The following DGKI variants were observed in gnomAD, a reference collection of about 807,000 sequenced individuals.
The protein encoded by DGKI is diacylglycerol kinase iota.
Under a neutral mutation model 147.5 loss-of-function variants are expected in DGKI, and 55 were observed. The observed-to-expected ratio is 0.37, with a 90% confidence interval of 0.30 to 0.47. The LOEUF (loss-of-function observed/expected upper bound fraction) is 0.47. DGKI is among the 20% of genes least tolerant of loss of function. The pLI, the probability that DGKI is intolerant of heterozygous loss-of-function variation, is 1.00. For missense variants in DGKI, 1,007 were observed against 1,323.8 expected (o/e 0.76, Z 3.71); for synonymous variants, 469 against 477.1 (o/e 0.98, Z 0.22).
At chr7:137,570,913 A>G (rs1049446334) in intron 19 of DGKI, among the ~76,000 whole-genome samples, 4 of 152,198 alleles carry the variant, frequency 2.6e-5, no homozygotes, top group Non-Finnish European at 5.9e-5. Flanking sequence ...TAATTAGCAT[A>G]AAAACTTTTC....
At chr7:137,723,990 G>A (rs963252023) in intron 1 of DGKI, among the ~76,000 whole-genome samples, 22 of 152,092 alleles carry the variant, frequency 1.4e-4, no homozygotes, top group African/African-American at 3.9e-4. Context: ...TTATAGGGGT[G>A]AGCCACTGCA....
intron 12 of DGKI, among the ~76,000 whole-genome samples, chr7:137,589,320 T>TA (rs1332607835): frequency 1.3e-5 from 2 of 152,192 alleles, no homozygotes; most frequent in African/African-American, 4.8e-5. Flanking sequence ...GTCTACCAAT[T>TA]ATGTCTAAAA....
intron 6 of DGKI, among the ~76,000 whole-genome samples, chr7:137,637,429 T>C (rs1821352228): frequency 1.3e-5 from 2 of 152,224 alleles, no homozygotes; most frequent in Admixed American, 6.5e-5. Flanking sequence ...CTAGTAGATA[T>C]CAAAATGGAA....
At chr7:137,746,275 G>A (rs1364175606) in intron 1 of DGKI, among the ~76,000 whole-genome samples, 5 of 152,176 alleles carry the variant, frequency 3.3e-5, no homozygotes, top group Admixed American at 1.3e-4. Context: ...GCTGGACCTA[G>A]AATATCAAGA....
intron 1 of DGKI, among the ~76,000 whole-genome samples, chr7:137,741,060 T>G (rs1795159331): frequency 6.6e-6 from 1 of 152,162 alleles, no homozygotes; most frequent in South Asian, 2.1e-4. Context: ...TTAAATAGGC[T>G]AAGGAGTGCT....
At chr7:137,780,939 A>G (rs915593676) in intron 1 of DGKI, among the ~76,000 whole-genome samples, 15 of 152,182 alleles carry the variant, frequency 9.9e-5, no homozygotes, top group African/African-American at 3.4e-4. Flanking sequence ...GTCAAGAAAG[A>G]GGGACTTTAA....
At chr7:137,415,460 T>C (rs892214276) in intron 28 of DGKI, among the ~76,000 whole-genome samples, 12 of 152,118 alleles carry the variant, frequency 7.9e-5, no homozygotes, top group African/African-American at 2.9e-4. Context: ...CATCTGTAGA[T>C]TTTGGTATCT....
At chr7:137,453,855 G>A (rs1161862660) in intron 27 of DGKI, among the ~76,000 whole-genome samples, 2 of 151,484 alleles carry the variant, frequency 1.3e-5, no homozygotes, top group Non-Finnish European at 2.9e-5. Context: ...TAATTTCCCA[G>A]TCTTTAAGAC....
intron 27 of DGKI, among the ~76,000 whole-genome samples, chr7:137,460,290 G>A (rs968879439): frequency 6.6e-6 from 1 of 152,164 alleles, no homozygotes; most frequent in Non-Finnish European, 1.5e-5. Flanking sequence ...ACACAGAAGG[G>A]CACAGGATGT....
At chr7:137,516,526 C>A (rs1563063258) in intron 21 of DGKI, among the ~76,000 whole-genome samples, 1 of 151,852 alleles carries the variant, frequency 6.6e-6, no homozygotes, top group South Asian at 2.1e-4. Flanking sequence ...GTTTCCATAG[C>A]CCCATCACAG....
intron 21 of DGKI, among the ~76,000 whole-genome samples, chr7:137,496,994 A>G (rs1815989855): frequency 6.6e-6 from 1 of 152,160 alleles, no homozygotes. Flanking sequence ...GCACAGCAAG[A>G]GAAACTATCA....
intron 1 of DGKI, among the ~76,000 whole-genome samples, chr7:137,729,742 A>G (rs1794815567): frequency 6.6e-6 from 1 of 152,070 alleles, no homozygotes; most frequent in Admixed American, 6.5e-5. Flanking sequence ...TTCTTATAAG[A>G]GTGAGGTCTG....
intron 21 of DGKI, among the ~76,000 whole-genome samples, chr7:137,507,499 TC>T (rs1816408617): frequency 6.6e-6 from 1 of 152,146 alleles, no homozygotes; most frequent in African/African-American, 2.4e-5. Context: ...TTAAAAAAAA[TC>T]CTCTTAAATG....
chr7:137,641,274 C>T (rs141084818), intron 6 of DGKI, among the ~76,000 whole-genome samples: 312 of 152,244 alleles, frequency 2.0e-3, no homozygotes, highest in African/African-American at 7.4e-3. Flanking sequence ...GTAAATTGCC[C>T]AGTCTCGGGT....
chr7:137,609,675 C>T, intron 8 of DGKI, 66 bp from the exon 9 acceptor site: 10 of 1,175,408 alleles, frequency 8.5e-6, no homozygotes, highest in South Asian at 7.5e-5. Context: ...CCATGCAGAA[C>T]CAAGTAGAAG....
chr7:137,421,561 C>A (rs540093275), intron 28 of DGKI, among the ~76,000 whole-genome samples: 21 of 152,320 alleles, frequency 1.4e-4, no homozygotes, highest in African/African-American at 4.6e-4. Flanking sequence ...GGATGCACTC[C>A]CTTCAAAAGC....
intron 26 of DGKI, 44 bp downstream of exon 26, chr7:137,465,864 G>A (rs1814633887): frequency 6.3e-7 from 1 of 1,590,114 alleles, no homozygotes; most frequent in Admixed American, 1.8e-5. Flanking sequence ...AGACATGGAT[G>A]TCACCCTAAG....
intron 1 of DGKI, among the ~76,000 whole-genome samples, chr7:137,737,510 A>AT (rs772074622): frequency 7.2e-5 from 10 of 138,140 alleles, no homozygotes; most frequent in Non-Finnish European, 1.3e-4. Context: ...CCTTCGTTTT[A>AT]TTAAAAAAAA....
At chr7:137,523,458 C>T (rs1475745282) in intron 20 of DGKI, among the ~76,000 whole-genome samples, 11 of 152,068 alleles carry the variant, frequency 7.2e-5, no homozygotes, top group Non-Finnish European at 8.8e-5. Flanking sequence ...CTCTCACACA[C>T]ACACAGACAG....
Sources: gnomAD v4.1 joint callset for allele counts (sites outside exome capture counted in the v4.1 genomes callset) on GRCh38, gnomAD v4.1.1 for gene constraint, MANE v1.5 for transcripts, NCBI Gene and HGNC (gene_info 2026-07-23, HGNC 2026-07-21) for gene names.